ARFGEF3: variants seen among roughly 807,000 people sequenced by gnomAD.
ARFGEF3 encodes the protein brefeldin A-inhibited guanine nucleotide-exchange protein 3.
In ARFGEF3, 96 loss-of-function variants were observed where a neutral mutation model predicts 221.7. That is an observed-to-expected ratio of 0.43 (90% CI 0.37 to 0.51). The LOEUF is 0.51. Among genes scored for constraint, ARFGEF3 ranks in the 20% least tolerant of loss-of-function variants. ARFGEF3 has a pLI of 0.00. For synonymous variants in ARFGEF3, 1,145 were observed against 1,126.8 expected (o/e 1.02, Z -0.32); for missense variants, 2,410 against 2,789.9 (o/e 0.86, Z 3.07).
At chr6:138,273,739 C>T (rs1346989537) in intron 12 of ARFGEF3, among the ~76,000 whole-genome samples, 1 of 151,974 alleles carries the variant, frequency 6.6e-6, no homozygotes, top group Admixed American at 6.6e-5. Context: ...AACAATAGGG[C>T]AGGATTAGAA....
chr6:138,321,678 T>C (rs1015860332), intron 29 of ARFGEF3, among the ~76,000 whole-genome samples: 3 of 152,218 alleles, frequency 2.0e-5, no homozygotes, highest in African/African-American at 7.2e-5. Context: ...GTTTGGAGGC[T>C]CTTCAAACTA....
chr6:138,179,443 C>CA (rs1375499172), intron 2 of ARFGEF3, among the ~76,000 whole-genome samples: 10 of 151,964 alleles, frequency 6.6e-5, no homozygotes, highest in Admixed American at 5.9e-4. Context: ...TTGTACTTTC[C>CA]AAAAAGATTC....
In ARFGEF3 at chr6:138,304,220, A is replaced by G. The variant is rs1264537722; in HGVS notation, c.3829-3033A>G. Among the ~76,000 whole-genome samples, 3 of 152,344 alleles carry G rather than the reference A, an allele frequency of 2.0e-5. No individual in the cohort carries two copies. In the East Asian group the frequency reaches 5.8e-4, roughly 29 times the overall value. On this transcript the variant is annotated intron_variant, in intron 22 of 33. Transcript: ENST00000251691. Reference sequence around the variant, plus strand: ...CATGGATGAATCTTGAAAACATTACATTAAATGAGAAAAGCCAGTCACCAA... The same window carrying G: ...CATGGATGAATCTTGAAAACATTACGTTAAATGAGAAAAGCCAGTCACCAA...
At chr6:138,295,232 A>G (rs1156326190) in intron 20 of ARFGEF3, among the ~76,000 whole-genome samples, 1 of 151,950 alleles carries the variant, frequency 6.6e-6, no homozygotes, top group Non-Finnish European at 1.5e-5. Context: ...AGCCTCCAAC[A>G]CTCACCAGCC....
chr6:138,264,284 A>G (rs1176664114), intron 12 of ARFGEF3, among the ~76,000 whole-genome samples: 1 of 152,244 alleles, frequency 6.6e-6, no homozygotes, highest in African/African-American at 2.4e-5. Flanking sequence ...TAAAGAATAC[A>G]GGGAAGTAGT....
chr6:138,284,245 C>T (rs1030038823), intron 14 of ARFGEF3, among the ~76,000 whole-genome samples: 6 of 152,126 alleles, frequency 3.9e-5, no homozygotes, highest in African/African-American at 1.4e-4. Flanking sequence ...GTGGAAGTTG[C>T]AGTGAGCTGA....
intron 4 of ARFGEF3, chr6:138,218,640 G>T: frequency 1.4e-6 from 1 of 714,536 alleles, no homozygotes; most frequent in East Asian, 3.6e-5. Flanking sequence ...AGAGAATCAG[G>T]TTGGCTGTAG....
Position 138,328,056 on chromosome 6 carries a change from A to C in ARFGEF3, c.5037A>C (p.Thr1679=). The C allele has an allele frequency of 6.4e-7, 1 of 1,557,360 alleles. No individual in the cohort carries two copies. The highest frequency in any genetic ancestry group is 8.7e-7 in the Non-Finnish European group (1 of 1,149,632). The part of the protein sequence containing the change: ...FMLDTQCSPK[T]PNNFDHAQSC... ...TGGACACCCAGTGCTCACCAAAGAC[A>C]CCAAACAACTTTGACCACGCTCAGT... Residue 1679 remains threonine, a synonymous_variant, in exon 32 of 34, where the codon ACA becomes ACC. Coordinates refer to ENST00000251691, the MANE Select transcript of ARFGEF3 (RefSeq NM_020340.5).
At chr6:138,273,067 C>T (rs1018500571) in intron 12 of ARFGEF3, among the ~76,000 whole-genome samples, 5 of 152,200 alleles carry the variant, frequency 3.3e-5, no homozygotes, top group African/African-American at 9.6e-5. Flanking sequence ...GTGTCAATAT[C>T]GAGACACATC....
In ARFGEF3 at chr6:138,245,613, G is replaced by A. The variant is rs769034412; in HGVS notation, c.665+22G>A. 5.7e-5 allele frequency: 89 copies of A among 1,565,226 alleles called. 1 individual carries two copies. Among genetic ancestry groups the A allele is most frequent in the African/African-American group, 6.8e-5 (5 of 74,060 alleles). ...TAAAGTAAGTGCCCTAACCACTGCC[G>A]CTTTTCTTTACCAGTGGTCTACTTC... is the stretch of plus-strand genomic sequence containing the variant. On this transcript the variant is annotated intron_variant, in intron 8 of 33. Transcript: ENST00000251691.
intron 2 of ARFGEF3, among the ~76,000 whole-genome samples, chr6:138,188,740 T>TA (rs1160452613): frequency 1.3e-5 from 2 of 152,224 alleles, no homozygotes; most frequent in African/African-American, 4.8e-5. Context: ...TCACATCACA[T>TA]AGTGCCAGAC....
intron 22 of ARFGEF3, among the ~76,000 whole-genome samples, chr6:138,299,636 G>A (rs185715891): frequency 5.1e-4 from 78 of 152,280 alleles, no homozygotes; most frequent in African/African-American, 1.7e-3. Context: ...AGAAGTAAGC[G>A]GAGCCCTTAG....
intron 29 of ARFGEF3, among the ~76,000 whole-genome samples, chr6:138,322,132 G>GCCCAA (rs1562215688): frequency 1.3e-5 from 2 of 152,110 alleles, no homozygotes; most frequent in East Asian, 3.9e-4. Context: ...GGTGGGCCTC[G>GCCCAA]TCCAATCAGT....
At chr6:138,177,264 T>A (rs190236810) in intron 2 of ARFGEF3, among the ~76,000 whole-genome samples, 2,004 of 151,772 alleles carry the variant, frequency 0.013, 27 homozygotes, top group Middle Eastern at 0.058. Context: ...AATTTCTGTA[T>A]TTTTTGTTTG....
chr6:138,239,843 T>C (rs1583027348), intron 6 of ARFGEF3, among the ~76,000 whole-genome samples: 1 of 152,248 alleles, frequency 6.6e-6, no homozygotes, highest in East Asian at 1.9e-4. Context: ...CAAATTCTTT[T>C]TTCCTCATTT....
intron 29 of ARFGEF3, among the ~76,000 whole-genome samples, chr6:138,322,453 G>C (rs550544340): frequency 8.9e-4 from 135 of 152,250 alleles, no homozygotes; most frequent in African/African-American, 3.0e-3. Flanking sequence ...CAGCCAAACT[G>C]TATCAGTGTC....
At chr6:138,260,757 CTG>C (rs1408582233) in intron 10 of ARFGEF3, among the ~76,000 whole-genome samples, 1 of 152,008 alleles carries the variant, frequency 6.6e-6, no homozygotes, top group Non-Finnish European at 1.5e-5. Context: ...AATTGAAAAA[CTG>C]TTCTCAAGAG....
chr6:138,188,306 TC>T (rs951475048), intron 2 of ARFGEF3, among the ~76,000 whole-genome samples: 2 of 151,998 alleles, frequency 1.3e-5, no homozygotes, highest in African/African-American at 4.8e-5. Context: ...AGACTTAGGT[TC>T]CCCCCCTCCG....
At chr6:138,225,123 C>G (rs1778058817) in intron 4 of ARFGEF3, among the ~76,000 whole-genome samples, 1 of 152,210 alleles carries the variant, frequency 6.6e-6, no homozygotes, top group Admixed American at 6.5e-5. Context: ...ACGGGAACAA[C>G]TAGGATCTGT....
Sources: allele counts gnomAD v4.1 joint callset (sites outside exome capture counted in the v4.1 genomes callset), GRCh38; gene constraint gnomAD v4.1.1; transcripts MANE v1.5; gene names NCBI Gene and HGNC (gene_info 2026-07-23, HGNC 2026-07-21).